The following KIAA1549L variants were observed in gnomAD, a reference collection of about 807,000 sequenced individuals.
KIAA1549L encodes KIAA1549 like, also known as UPF0606 protein KIAA1549L.
In KIAA1549L, 88 loss-of-function variants were observed where a neutral mutation model predicts 160.7. The ratio of observed to expected loss-of-function variants is 0.55; its 90% CI spans 0.46 to 0.65. KIAA1549L has a LOEUF of 0.65. Among genes scored for constraint, KIAA1549L ranks in the 30% least tolerant of loss-of-function variants. The probability of loss-of-function intolerance (pLI) is 0.00; values close to 1 mark genes in which losing one functional copy is unlikely to be tolerated. For missense variants in KIAA1549L, 2,258 were observed against 2,437.5 expected (o/e 0.93, Z 1.55); for synonymous variants, 950 against 976.7 (o/e 0.97, Z 0.51).
intron 16 of KIAA1549L, among the ~76,000 whole-genome samples, chr11:33,644,524 A>G (rs1184184576): frequency 6.6e-6 from 1 of 152,262 alleles, no homozygotes; most frequent in Non-Finnish European, 1.5e-5. Flanking sequence ...TATGATGATG[A>G]CAGCAACTAG....
At chr11:33,554,637 C>G (rs1230164886) in intron 6 of KIAA1549L, among the ~76,000 whole-genome samples, 1 of 152,180 alleles carries the variant, frequency 6.6e-6, no homozygotes, top group African/African-American at 2.4e-5. Context: ...TGGTGTCATT[C>G]CAGTAAAATG....
At chr11:33,502,127 G>A (rs922393991) in intron 1 of KIAA1549L, among the ~76,000 whole-genome samples, 1 of 152,164 alleles carries the variant, frequency 6.6e-6, no homozygotes, top group Non-Finnish European at 1.5e-5. Flanking sequence ...TAGCCTTCTG[G>A]CCTTCATGAA....
intron 1 of KIAA1549L, chr11:33,403,290 C>CATGCAG (rs1271758341): frequency 5.5e-5 from 2 of 36,046 alleles, no homozygotes; most frequent in African/African-American, 2.4e-4. Context: ...CAGACACACA[C>CATGCAG]ACACACACAC....
chr11:33,548,553 G>A (rs1358634489), intron 4 of KIAA1549L, among the ~76,000 whole-genome samples: 1 of 152,206 alleles, frequency 6.6e-6, no homozygotes, highest in Non-Finnish European at 1.5e-5. Context: ...ATTGTAAACA[G>A]TGATTTATTT....
intron 1 of KIAA1549L, among the ~76,000 whole-genome samples, chr11:33,514,199 A>C (rs527757630): frequency 6.6e-6 from 1 of 152,364 alleles, no homozygotes; most frequent in South Asian, 2.1e-4. Context: ...ATCTCATTGA[A>C]GATTAAGCAT....
chr11:33,493,382 C>G (rs562858613), intron 1 of KIAA1549L, among the ~76,000 whole-genome samples: 8 of 152,278 alleles, frequency 5.3e-5, no homozygotes, highest in African/African-American at 1.9e-4. Context: ...TCTTGGACTT[C>G]CCAGCCTCCA....
At chr11:33,581,780 C>T (rs963951160) in intron 10 of KIAA1549L, among the ~76,000 whole-genome samples, 1 of 152,182 alleles carries the variant, frequency 6.6e-6, no homozygotes, top group Admixed American at 6.5e-5. Flanking sequence ...GTTGACCTAA[C>T]TTTACTCTTG....
At chr11:33,664,049 A>G (rs1852357352) in intron 20 of KIAA1549L, among the ~76,000 whole-genome samples, 1 of 152,220 alleles carries the variant, frequency 6.6e-6, no homozygotes, top group Non-Finnish European at 1.5e-5. Context: ...AAGGACTCAG[A>G]CAGCCCAACT....
intron 1 of KIAA1549L, among the ~76,000 whole-genome samples, chr11:33,514,746 G>A (rs184289391): frequency 1.3e-5 from 2 of 152,246 alleles, no homozygotes; most frequent in East Asian, 3.9e-4. Context: ...GGATTTTTTA[G>A]TAACTTGTGA....
At chr11:33,651,352 G>T (rs1428873527) in intron 17 of KIAA1549L, among the ~76,000 whole-genome samples, 1 of 151,738 alleles carries the variant, frequency 6.6e-6, no homozygotes, top group Non-Finnish European at 1.5e-5. Flanking sequence ...CAGGAGAATT[G>T]CTTGAACCTG....
intron 9 of KIAA1549L, among the ~76,000 whole-genome samples, chr11:33,568,920 T>C (rs1412015148): frequency 1.3e-5 from 2 of 152,218 alleles, no homozygotes; most frequent in Non-Finnish European, 2.9e-5. Flanking sequence ...GTATTATAAA[T>C]ACCCTGGTTC....
chr11:33,648,530 A>C (rs1284996689), intron 17 of KIAA1549L, among the ~76,000 whole-genome samples: 1 of 149,194 alleles, frequency 6.7e-6, no homozygotes, highest in East Asian at 1.9e-4. Flanking sequence ...TCTTCTAAAG[A>C]GGAGGTGCTT....
chr11:33,554,551 A>G (rs1854581645), intron 6 of KIAA1549L, among the ~76,000 whole-genome samples: 1 of 152,148 alleles, frequency 6.6e-6, no homozygotes. Context: ...CGTGGCTCCC[A>G]TGGGGTGGCC....
In KIAA1549L at chr11:33,673,335, C is replaced by A. The variant is rs1852716385; in HGVS notation, c.*5181C>A. The A allele has an allele frequency of 6.6e-6, 1 of 152,080 alleles. No individual in the cohort carries two copies. Among genetic ancestry groups the A allele is most frequent in the Non-Finnish European group, 1.5e-5 (1 of 68,012 alleles). The allele number at this position is 152,080 out of a possible 1,614,324, so 9.4% of individuals were successfully genotyped here. ...ACTTTTGCAAATTATGGAGAGAGGC[C>A]ATCAACATATTTTACATAAATTACT... On this transcript the variant is annotated 3_prime_UTR_variant, in exon 21 of 21. Transcript: ENST00000658780.
chr11:33,602,939 G>T (rs1232337232), intron 13 of KIAA1549L, among the ~76,000 whole-genome samples: 1 of 152,106 alleles, frequency 6.6e-6, no homozygotes, highest in African/African-American at 2.4e-5. Flanking sequence ...AATTCCCAAG[G>T]TGTCATTTTC....
In KIAA1549L at chr11:33,387,172, C is replaced by T. The variant is rs140659612; in HGVS notation, c.238+10283C>T. Among the ~76,000 whole-genome samples, 33 of 152,162 alleles carry T rather than the reference C, an allele frequency of 2.2e-4. No homozygotes were observed. The East Asian group carries it at 2.3e-3, about 11-fold the overall frequency. On this transcript the variant is annotated intron_variant, in intron 1 of 20. Coordinates refer to ENST00000658780, the MANE Select transcript of KIAA1549L (RefSeq NM_012194.3). ...AGTATTCCCACTTCTGCTTTATGGA[C>T]GTGTTTGTGCAGAACAATTTCTCTT... is the stretch of plus-strand genomic sequence containing the variant.
At chr11:33,657,007 A>G (rs530877046) in intron 18 of KIAA1549L, among the ~76,000 whole-genome samples, 61 of 152,192 alleles carry the variant, frequency 4.0e-4, no homozygotes, top group African/African-American at 1.5e-3. Context: ...GATGATCTCA[A>G]AAGCTCCAGG....
intron 1 of KIAA1549L, among the ~76,000 whole-genome samples, chr11:33,519,818 G>A (rs1853435951): frequency 6.6e-6 from 1 of 152,096 alleles, no homozygotes; most frequent in Admixed American, 6.6e-5. Flanking sequence ...AGAATGTTCT[G>A]TGGAGGCTGC....
chr11:33,473,667 T>C (rs1412927278), intron 1 of KIAA1549L, among the ~76,000 whole-genome samples: 1 of 152,210 alleles, frequency 6.6e-6, no homozygotes, highest in African/African-American at 2.4e-5. Context: ...TGGTCTCATA[T>C]GCACGTTCCC....
Sources: allele counts gnomAD v4.1 joint callset (sites outside exome capture counted in the v4.1 genomes callset), GRCh38; gene constraint gnomAD v4.1.1; transcripts MANE v1.5; gene names NCBI Gene and HGNC (gene_info 2026-07-23, HGNC 2026-07-21).